The following KLRG1 variants were observed in gnomAD, a reference collection of about 807,000 sequenced individuals.
KLRG1 encodes the protein killer cell lectin-like receptor subfamily G member 1.
Under a neutral mutation model 21.8 loss-of-function variants are expected in KLRG1, and 16 were observed. The observed-to-expected ratio is 0.73, with a 90% CI of 0.50 to 1.11. KLRG1 has a LOEUF of 1.11. Among genes scored for constraint, KLRG1 ranks in the 50% most tolerant of loss-of-function variants. KLRG1 has a pLI of 0.00. For missense variants in KLRG1, 173 were observed against 218.3 expected, an observed-to-expected ratio of 0.79 and a Z score of 1.31; for synonymous variants, 69 against 75.9, an observed-to-expected ratio of 0.91 and a Z score of 0.47.
the KLRG1 span, among the ~76,000 whole-genome samples, chr12:9,121,043 G>A: frequency 1.4e-4 from 22 of 151,806 alleles, no homozygotes; most frequent in African/African-American, 4.8e-4. This position sits in a 1 kb window ranked among gnomAD's most constrained non-coding sequence, Gnocchi z 4.4. Flanking sequence ...ACCACGCCCC[G>A]CTAATTTTTT....
the KLRG1 span, among the ~76,000 whole-genome samples, chr12:9,199,778 A>T: frequency 3.3e-5 from 5 of 152,110 alleles, no homozygotes; most frequent in African/African-American, 1.2e-4. Context: ...AACCTGGCAA[A>T]TTTTACAATT....
the KLRG1 span, among the ~76,000 whole-genome samples, chr12:9,096,543 G>T: frequency 6.6e-5 from 10 of 152,186 alleles, no homozygotes; most frequent in Non-Finnish European, 1.5e-4. Context: ...AAATGCTCCA[G>T]ATCTTCATAT....
chr12:9,018,592 AG>A, the KLRG1 span, among the ~76,000 whole-genome samples: 1 of 151,928 alleles, frequency 6.6e-6, no homozygotes. Context: ...GAATGAAACT[AG>A]ACCTTTCTGA....
At chr12:9,124,834 C>T in the KLRG1 span, among the ~76,000 whole-genome samples, 1 of 152,210 alleles carries the variant, frequency 6.6e-6, no homozygotes, top group Non-Finnish European at 1.5e-5. Context: ...CCCTGTAAGG[C>T]CCCACCTTCA....
At chr12:8,977,295 C>T (rs758562714) in intron 1 of KLRG1, among the ~76,000 whole-genome samples, 2 of 151,408 alleles carry the variant, frequency 1.3e-5, no homozygotes, top group African/African-American at 2.4e-5. Flanking sequence ...GCTCCGCCTC[C>T]TGGGTTCTGG....
chr12:8,968,032 G>A (rs1284734999), intron 1 of KLRG1, among the ~76,000 whole-genome samples: 4 of 151,756 alleles, frequency 2.6e-5, no homozygotes, highest in Non-Finnish European at 5.9e-5. Context: ...TAAATAATAA[G>A]CAATAATAAA....
the KLRG1 span, among the ~76,000 whole-genome samples, chr12:9,097,778 G>A: frequency 4.5e-4 from 68 of 151,948 alleles, no homozygotes; most frequent in Admixed American, 3.6e-3. Context: ...GATGACAGGC[G>A]CCCGCCACCA....
intron 1 of KLRG1, 161 bp from the exon 2 acceptor site, chr12:8,992,045 T>C (rs1946986694): frequency 3.4e-6 from 2 of 580,020 alleles, no homozygotes; most frequent in South Asian, 2.3e-5. Flanking sequence ...CCTTAGACTT[T>C]AGAGCAAGTT....
chr12:9,079,106 C>T, the KLRG1 span: 1 of 616,554 alleles, frequency 1.6e-6, no homozygotes, highest in Non-Finnish European at 2.7e-6. Context: ...CCTTGCTAAT[C>T]TTGGTGGATT....
the KLRG1 span, among the ~76,000 whole-genome samples, chr12:9,193,566 C>T: frequency 2.6e-5 from 4 of 152,100 alleles, no homozygotes; most frequent in Non-Finnish European, 4.4e-5. Context: ...TGAGTTAACA[C>T]GTGAAACTGA....
the KLRG1 span, among the ~76,000 whole-genome samples, chr12:9,104,996 G>A: frequency 5.3e-4 from 80 of 152,254 alleles, no homozygotes; most frequent in African/African-American, 1.9e-3. Flanking sequence ...CTTTTGGAAG[G>A]TAGGCAGATT....
the KLRG1 span, among the ~76,000 whole-genome samples, chr12:9,037,772 AT>A: frequency 6.6e-6 from 1 of 152,112 alleles, no homozygotes; most frequent in Admixed American, 6.5e-5. Context: ...AATATGTGCC[AT>A]TTTGTTATAA....
chr12:9,128,343 C>G, the KLRG1 span: 15,386 of 160,340 alleles, frequency 0.096, 944 homozygotes, highest in African/African-American at 0.17. Context: ...CCACACGGAG[C>G]AGCTCCAGAT....
intron 1 of KLRG1, among the ~76,000 whole-genome samples, chr12:8,954,568 T>C (rs1183828605): frequency 2.0e-5 from 3 of 152,074 alleles, no homozygotes; most frequent in East Asian, 1.9e-4. Flanking sequence ...CTCTTACCCT[T>C]ATCCTAGAAT....
the KLRG1 span, chr12:9,080,059 T>A: frequency 2.9e-6 from 4 of 1,379,574 alleles, no homozygotes; most frequent in Non-Finnish European, 4.0e-6. Flanking sequence ...ATAGAAGCTG[T>A]TAATGCCCGG....
chr12:9,030,017 G>T, the KLRG1 span, among the ~76,000 whole-genome samples: 104 of 152,310 alleles, frequency 6.8e-4, 1 homozygote, highest in African/African-American at 2.2e-3. Context: ...GCCTCCCAAA[G>T]TGCTGAGATT....
intron 1 of KLRG1, among the ~76,000 whole-genome samples, chr12:8,955,321 C>G (rs1390146688): frequency 6.8e-6 from 1 of 147,262 alleles, no homozygotes; most frequent in East Asian, 2.1e-4. Flanking sequence ...AGAAAATTTC[C>G]TCATGCTCCT....
chr12:8,983,728 C>T (rs1946798224), intron 1 of KLRG1, among the ~76,000 whole-genome samples: 1 of 152,198 alleles, frequency 6.6e-6, no homozygotes, highest in East Asian at 1.9e-4. Flanking sequence ...GATGACATCT[C>T]ATTGCTTTTC....
At chr12:8,969,596 G>A (rs1946534971) in intron 1 of KLRG1, among the ~76,000 whole-genome samples, 1 of 151,770 alleles carries the variant, frequency 6.6e-6, no homozygotes, top group Non-Finnish European at 1.5e-5. Context: ...AGGAAGAGGA[G>A]GAAATTACAC....
Sources: allele counts gnomAD v4.1 joint callset (sites outside exome capture counted in the v4.1 genomes callset), GRCh38; gene constraint gnomAD v4.1.1; non-coding constraint Gnocchi (gnomAD v3.1); transcripts MANE v1.5; gene names NCBI Gene and HGNC (gene_info 2026-07-23, HGNC 2026-07-21).